The following CSRNP3 variants were observed in gnomAD, a reference collection of about 807,000 sequenced individuals.
The protein encoded by CSRNP3 is cysteine/serine-rich nuclear protein 3.
CSRNP3 carries 12 observed loss-of-function variants against 48.0 expected under a neutral mutation model. That is an observed-to-expected ratio of 0.25 (90% confidence interval 0.16 to 0.41). CSRNP3 has a LOEUF of 0.41. CSRNP3 is among the 10% of genes least tolerant of loss of function. The pLI is 1.00. For synonymous variants in CSRNP3, 263 were observed against 269.7 expected, an observed-to-expected ratio of 0.98 and a Z score of 0.24; for missense variants, 580 against 724.4, an observed-to-expected ratio of 0.80 and a Z score of 2.29.
intron 5 of CSRNP3, among the ~76,000 whole-genome samples, chr2:165,659,001 A>G (rs1177673697): frequency 6.6e-6 from 1 of 152,222 alleles, no homozygotes; most frequent in Admixed American, 6.5e-5. Context: ...AGAATGAAGT[A>G]ACGTGAAGGA....
intron 5 of CSRNP3, among the ~76,000 whole-genome samples, chr2:165,669,053 C>G (rs1350474866): frequency 6.6e-6 from 1 of 152,172 alleles, no homozygotes; most frequent in Non-Finnish European, 1.5e-5. Context: ...AATTTATATA[C>G]AGTATGGAAC....
At chr2:165,617,362 C>T (rs1322120019) in intron 4 of CSRNP3, among the ~76,000 whole-genome samples, 1 of 150,716 alleles carries the variant, frequency 6.6e-6, no homozygotes, top group Non-Finnish European at 1.5e-5. Flanking sequence ...GGATAGGGTA[C>T]TTTAGTTTTG....
intron 3 of CSRNP3, among the ~76,000 whole-genome samples, chr2:165,560,727 C>A (rs1685223915): frequency 6.6e-6 from 1 of 152,192 alleles, no homozygotes; most frequent in South Asian, 2.1e-4. Flanking sequence ...CAGGTGTACT[C>A]TCTAAAAGCA....
At chr2:165,657,081 G>GTCCCAT (rs1455716884) in intron 4 of CSRNP3, among the ~76,000 whole-genome samples, 2 of 152,168 alleles carry the variant, frequency 1.3e-5, no homozygotes, top group Non-Finnish European at 2.9e-5. Flanking sequence ...ATCTCACACT[G>GTCCCAT]TCCCATTCCC....
intron 3 of CSRNP3, among the ~76,000 whole-genome samples, chr2:165,546,253 G>A (rs28667681): frequency 0.28 from 43,018 of 151,956 alleles, 6,341 homozygotes; most frequent in Admixed American, 0.33. Context: ...GTGCAGTGGC[G>A]CAGTCTCGGC....
At chr2:165,571,101 C>T (rs1218929245) in intron 3 of CSRNP3, among the ~76,000 whole-genome samples, 2 of 151,814 alleles carry the variant, frequency 1.3e-5, no homozygotes, top group Non-Finnish European at 2.9e-5. Context: ...TAATGGAAGG[C>T]TTAAGCAAAT....
At chr2:165,525,794 A>G (rs1330832420) in intron 3 of CSRNP3, among the ~76,000 whole-genome samples, 2 of 152,012 alleles carry the variant, frequency 1.3e-5, no homozygotes, top group African/African-American at 2.4e-5. Context: ...GCCTGATGTT[A>G]TATCTAAGAG....
chr2:165,571,371 A>G (rs1242335249), intron 3 of CSRNP3, among the ~76,000 whole-genome samples: 2 of 152,030 alleles, frequency 1.3e-5, no homozygotes, highest in East Asian at 3.8e-4. Context: ...ATGTTTTAAA[A>G]TAAGTTCCAA....
intron 3 of CSRNP3, among the ~76,000 whole-genome samples, chr2:165,548,151 A>C (rs1328784027): frequency 1.3e-5 from 2 of 152,102 alleles, no homozygotes; most frequent in African/African-American, 4.8e-5. Flanking sequence ...CCCTTTTGGC[A>C]TTCAGAACCA....
chr2:165,559,063 C>T (rs1372178658), intron 3 of CSRNP3, among the ~76,000 whole-genome samples: 1 of 151,894 alleles, frequency 6.6e-6, no homozygotes, highest in East Asian at 1.9e-4. Flanking sequence ...GGTGATGTGT[C>T]AGAGACTACT....
chr2:165,481,422 T>G (rs987013477), intron 1 of CSRNP3, among the ~76,000 whole-genome samples: 3 of 75,064 alleles, frequency 4.0e-5, no homozygotes, highest in Non-Finnish European at 8.0e-5. Context: ...TGGGGTGGGC[T>G]TTGACAAGAC....
rs1443950891 is a variant in CSRNP3, at chr2:165,688,026, A to G, written c.*8273A>G. ...ACTCCCCACAAATAACACTAGGGGG[A>G]AATGACCTTTTTTATTTAAAAAAAA... On this transcript the variant is annotated 3_prime_UTR_variant, in exon 7 of 7. Coordinates refer to ENST00000651982, the MANE Select transcript of CSRNP3 (RefSeq NM_001172173.2). The G allele has an allele frequency of 2.9e-5, 4 of 139,428 alleles. No homozygotes were observed. Among genetic ancestry groups the G allele is most frequent in the Non-Finnish European group, 6.2e-5 (4 of 64,024 alleles). 8.6% of individuals were successfully genotyped at this position (139,428 alleles called of 1,614,324 possible).
At chr2:165,620,123 T>G (rs1482446417) in intron 4 of CSRNP3, among the ~76,000 whole-genome samples, 1 of 152,178 alleles carries the variant, frequency 6.6e-6, no homozygotes, top group Admixed American at 6.5e-5. Flanking sequence ...CCATAATTGT[T>G]GCAAGACAAA....
At chr2:165,673,773 C>T (rs1212291206) in intron 5 of CSRNP3, among the ~76,000 whole-genome samples, 3 of 152,128 alleles carry the variant, frequency 2.0e-5, no homozygotes, top group African/African-American at 7.2e-5. Context: ...GTAATCCCAG[C>T]ACTTTGGGAG....
intron 3 of CSRNP3, among the ~76,000 whole-genome samples, chr2:165,519,468 T>C (rs1221661329): frequency 3.3e-5 from 5 of 152,194 alleles, no homozygotes; most frequent in African/African-American, 1.2e-4. Context: ...CAGCTTGAAG[T>C]GCGCAGCACT....
At chr2:165,675,920 A>G (rs1445681236) in intron 5 of CSRNP3, among the ~76,000 whole-genome samples, 1 of 152,196 alleles carries the variant, frequency 6.6e-6, no homozygotes, top group Non-Finnish European at 1.5e-5. Context: ...CAAGGATGCT[A>G]TTATCTCTGA....
At chr2:165,567,828 G>A (rs1685317860) in intron 3 of CSRNP3, among the ~76,000 whole-genome samples, 1 of 151,884 alleles carries the variant, frequency 6.6e-6, no homozygotes, top group African/African-American at 2.4e-5. Flanking sequence ...AGGTCCTGTT[G>A]TTTTACAGTT....
At chr2:165,571,089 A>G (rs1460239765) in intron 3 of CSRNP3, among the ~76,000 whole-genome samples, 1 of 152,008 alleles carries the variant, frequency 6.6e-6, no homozygotes, top group Non-Finnish European at 1.5e-5. Context: ...AGAATTTCTT[A>G]CTAATGGAAG....
At chr2:165,655,134 A>G (rs1328581605) in intron 4 of CSRNP3, among the ~76,000 whole-genome samples, 2 of 152,294 alleles carry the variant, frequency 1.3e-5, no homozygotes, top group South Asian at 2.1e-4. Context: ...CCTAAATCCA[A>G]TTAGAGTCAA....
Sources: allele counts gnomAD v4.1 joint callset (sites outside exome capture counted in the v4.1 genomes callset), GRCh38; gene constraint gnomAD v4.1.1; transcripts MANE v1.5; gene names NCBI Gene and HGNC (gene_info 2026-07-23, HGNC 2026-07-21).